MTUS2: variants seen among roughly 807,000 people sequenced by gnomAD.
MTUS2 encodes microtubule associated scaffold protein 2.
A neutral mutation model predicts 114.1 loss-of-function variants in MTUS2; 40 were observed. The observed-to-expected ratio is 0.35, with a 90% CI of 0.27 to 0.46. The LOEUF is 0.46. Ranked by LOEUF, MTUS2 falls within the 20% of genes least tolerant of loss-of-function variation. MTUS2 has a pLI of 1.00. For synonymous variants in MTUS2, 688 were observed against 672.0 expected (o/e 1.02, Z -0.37); for missense variants, 1,679 against 1,705.4 (o/e 0.98, Z 0.27).
intron 8 of MTUS2, among the ~76,000 whole-genome samples, chr13:29,366,428 A>G (rs756411876): frequency 4.6e-5 from 7 of 152,134 alleles, no homozygotes; most frequent in Non-Finnish European, 8.8e-5. Context: ...GGAAGCTACA[A>G]TTCAAGATGA....
intron 2 of MTUS2, among the ~76,000 whole-genome samples, chr13:28,991,367 A>ATTTTT (rs34590167): frequency 8.0e-6 from 1 of 125,480 alleles, no homozygotes. Flanking sequence ...TGTCTCTTCA[A>ATTTTT]TTTTTTTTTT....
intron 5 of MTUS2, among the ~76,000 whole-genome samples, chr13:29,263,740 C>T (rs891860144): frequency 2.6e-5 from 4 of 152,080 alleles, no homozygotes; most frequent in African/African-American, 4.8e-5. Flanking sequence ...CTCACTCACT[C>T]ATCACCAAGG....
Position 29,505,477 on chromosome 13 carries a change from G to A in MTUS2, c.*2271G>A. On this transcript the variant is annotated 3_prime_UTR_variant, in exon 16 of 16. Transcript: ENST00000612955. ...GTGGTTTGTTTGTTTTTTTTCTTTT[G>A]TTACGGACACCCATCATGTATGGCT... is the stretch of plus-strand genomic sequence containing the variant. The A allele has an allele frequency of 5.0e-6, 1 of 198,300 alleles. No individual in the cohort carries two copies. The highest frequency in any genetic ancestry group is 1.0e-5 in the Non-Finnish European group (1 of 98,144). 12.3% of individuals were successfully genotyped at this position (198,300 alleles called of 1,614,324 possible). A position where few individuals can be genotyped will look rare whatever the true frequency, so the allele number is the denominator to read the frequency against.
chr13:28,956,651 C>CATTG (rs1162826330), intron 2 of MTUS2, among the ~76,000 whole-genome samples: 4 of 152,310 alleles, frequency 2.6e-5, no homozygotes, highest in African/African-American at 9.6e-5. Context: ...GAAACAAAAA[C>CATTG]ACCAATGAAA....
chr13:28,891,836 C>CCACTG (rs1363703537), intron 2 of MTUS2, among the ~76,000 whole-genome samples: 1 of 142,852 alleles, frequency 7.0e-6, no homozygotes, highest in Non-Finnish European at 1.5e-5. Context: ...CGAGATCACG[C>CCACTG]CACTGCACAG....
intron 5 of MTUS2, among the ~76,000 whole-genome samples, chr13:29,169,232 A>T (rs1157526864): frequency 6.6e-6 from 1 of 152,216 alleles, no homozygotes; most frequent in Non-Finnish European, 1.5e-5. Context: ...ATAAAGCAAA[A>T]TATTAGCTGA....
At chr13:29,049,886 A>T (rs1489936164) in intron 4 of MTUS2, among the ~76,000 whole-genome samples, 1 of 152,222 alleles carries the variant, frequency 6.6e-6, no homozygotes, top group Non-Finnish European at 1.5e-5. Flanking sequence ...CGCAGCTGCC[A>T]ACTTCATTTG....
At chr13:29,234,394 C>G (rs144147045) in intron 5 of MTUS2, among the ~76,000 whole-genome samples, 1 of 152,142 alleles carries the variant, frequency 6.6e-6, no homozygotes, top group African/African-American at 2.4e-5. Context: ...ACAAGCATTT[C>G]TGCAGCATAA....
chr13:29,072,768 A>T (rs1226798505), intron 4 of MTUS2, among the ~76,000 whole-genome samples: 1 of 152,210 alleles, frequency 6.6e-6, no homozygotes, highest in African/African-American at 2.4e-5. Context: ...ATAACATAAC[A>T]GTTGAGTAGC....
At chr13:29,394,623 A>G (rs1055568044) in intron 8 of MTUS2, among the ~76,000 whole-genome samples, 1 of 152,206 alleles carries the variant, frequency 6.6e-6, no homozygotes, top group Non-Finnish European at 1.5e-5. Flanking sequence ...TGGAAAGGGA[A>G]GGGGATTCTC....
intron 5 of MTUS2, among the ~76,000 whole-genome samples, chr13:29,104,843 C>A (rs1412070280): frequency 2.0e-5 from 3 of 152,082 alleles, no homozygotes; most frequent in African/African-American, 7.2e-5. Context: ...CGGTCTGACC[C>A]AGGATGTGGC....
intron 4 of MTUS2, among the ~76,000 whole-genome samples, chr13:29,068,112 C>G (rs1242287704): frequency 6.6e-6 from 1 of 152,124 alleles, no homozygotes. Context: ...AGAAGATGGT[C>G]TTATTATAAT....
At chr13:29,365,377 T>C (rs1328886187) in intron 8 of MTUS2, among the ~76,000 whole-genome samples, 1 of 152,186 alleles carries the variant, frequency 6.6e-6, no homozygotes, top group African/African-American at 2.4e-5. Context: ...AACCCACCTC[T>C]ATTGATGATA....
At chr13:29,112,948 T>G (rs1234284498) in intron 5 of MTUS2, among the ~76,000 whole-genome samples, 1 of 152,104 alleles carries the variant, frequency 6.6e-6, no homozygotes, top group Admixed American at 6.5e-5. Flanking sequence ...GTTCTTTGAG[T>G]AATACACTGA....
chr13:29,113,644 C>T (rs1234427603), intron 5 of MTUS2, among the ~76,000 whole-genome samples: 1 of 152,088 alleles, frequency 6.6e-6, no homozygotes, highest in Non-Finnish European at 1.5e-5. Context: ...TTGGATAGTA[C>T]AGTTCTAGAC....
At chr13:29,281,949 A>G (rs1898291316) in intron 6 of MTUS2, 84 bp downstream of exon 6, 2 of 1,404,156 alleles carry the variant, frequency 1.4e-6, no homozygotes, top group South Asian at 1.5e-5. Flanking sequence ...CCCTGTGTAC[A>G]TCAGTTATTT....
At chr13:29,037,647 C>A (rs1887143062) in intron 4 of MTUS2, among the ~76,000 whole-genome samples, 2 of 152,164 alleles carry the variant, frequency 1.3e-5, no homozygotes, top group South Asian at 2.1e-4. Flanking sequence ...TTCAGGTACA[C>A]CAATCAAATG....
At chr13:29,473,282 G>A (rs1224237401) in intron 9 of MTUS2, among the ~76,000 whole-genome samples, 1 of 152,164 alleles carries the variant, frequency 6.6e-6, no homozygotes, top group Non-Finnish European at 1.5e-5. Flanking sequence ...TGTAGAGCCA[G>A]ATAGTTCTCT....
chr13:29,307,089 C>G, intron 6 of MTUS2: 5 of 481,842 alleles, frequency 1.0e-5, no homozygotes, highest in South Asian at 8.3e-5. Flanking sequence ...TCTTCACCAT[C>G]ATGGAGAAGT....
Sources: allele counts gnomAD v4.1 joint callset (sites outside exome capture counted in the v4.1 genomes callset), GRCh38; gene constraint gnomAD v4.1.1; transcripts MANE v1.5; gene names NCBI Gene and HGNC (gene_info 2026-07-23, HGNC 2026-07-21).